Variants in PLEKHA5 observed in about 807,000 individuals in gnomAD.
PLEKHA5 encodes pleckstrin homology domain containing A5.
PLEKHA5 carries 55 observed loss-of-function variants against 181.9 expected under a neutral mutation model. The ratio of observed to expected loss-of-function variants is 0.30; its 90% CI spans 0.24 to 0.38. PLEKHA5 has a LOEUF of 0.38. PLEKHA5 is among the 10% of genes least tolerant of loss of function. The probability of loss-of-function intolerance (pLI) is 1.00; values close to 1 mark genes in which losing one functional copy is unlikely to be tolerated. For synonymous variants in PLEKHA5, 535 were observed against 529.4 expected (o/e 1.01, Z -0.15); for missense variants, 1,432 against 1,549.5 (o/e 0.92, Z 1.27).
At chr12:19,338,257 C>T (rs370917579) in intron 21 of PLEKHA5, among the ~76,000 whole-genome samples, 1 of 152,182 alleles carries the variant, frequency 6.6e-6, no homozygotes, top group African/African-American at 2.4e-5. Context: ...GGCTGGAGTG[C>T]AGTAGCATGA....
chr12:19,276,647 T>C (rs369707598), intron 11 of PLEKHA5, among the ~76,000 whole-genome samples: 2 of 152,296 alleles, frequency 1.3e-5, no homozygotes, highest in South Asian at 2.1e-4. Context: ...GCCAGGATCG[T>C]GCCACTGCAC....
chr12:19,308,527 A>C (rs2085001384), intron 15 of PLEKHA5, among the ~76,000 whole-genome samples: 1 of 152,162 alleles, frequency 6.6e-6, no homozygotes. Flanking sequence ...CTACAGCCAG[A>C]ATGGATTGTT....
chr12:19,283,525 A>AACAGAGCACCCTCCCTCG lies in PLEKHA5; in HGVS notation c.1563_1580dup (p.Gln521_Arg526dup). ...TGGCAGCAGCGTCAGTTTTATAACA[A>AACAGAGCACCCTCCCTCG]ACAGAGCACCCTCCCTCGACACAGT... On this transcript the variant is annotated inframe_insertion, in exon 12 of 32. Transcript: ENST00000429027. The AACAGAGCACCCTCCCTCG allele has an allele frequency of 6.2e-7, 1 of 1,614,206 alleles. No homozygotes were observed.
At chr12:19,357,254 CTTT>C (rs5796799) in intron 26 of PLEKHA5, among the ~76,000 whole-genome samples, 5 of 96,090 alleles carry the variant, frequency 5.2e-5, no homozygotes, top group Admixed American at 1.2e-4. Context: ...TCTTTATATT[CTTT>C]TTTTTTTTTT....
At chr12:19,206,768 T>A (rs367870261) in intron 3 of PLEKHA5, among the ~76,000 whole-genome samples, 32 of 152,230 alleles carry the variant, frequency 2.1e-4, no homozygotes, top group African/African-American at 7.7e-4. Flanking sequence ...AGGGTTAGCG[T>A]TTAGAGATGA....
chr12:19,266,043 TCAA>T (rs2070251044), intron 8 of PLEKHA5, among the ~76,000 whole-genome samples, 193 bp downstream of exon 8: 1 of 152,074 alleles, frequency 6.6e-6, no homozygotes, highest in Non-Finnish European at 1.5e-5. Context: ...TATTTAGGGG[TCAA>T]GTGTCTTCAT....
chr12:19,348,018 G>T (rs2094424427), intron 24 of PLEKHA5, among the ~76,000 whole-genome samples: 1 of 151,780 alleles, frequency 6.6e-6, no homozygotes, highest in Non-Finnish European at 1.5e-5. Flanking sequence ...GAATGGCTGG[G>T]ATTATAGGCG....
At chr12:19,235,440 C>T (rs1289209383) in intron 3 of PLEKHA5, among the ~76,000 whole-genome samples, 1 of 152,152 alleles carries the variant, frequency 6.6e-6, no homozygotes, top group African/African-American at 2.4e-5. Flanking sequence ...AGGGCATGAA[C>T]TGTAGAAGAA....
At chr12:19,302,702 G>T (rs758811230) in intron 15 of PLEKHA5, among the ~76,000 whole-genome samples, 2 of 151,900 alleles carry the variant, frequency 1.3e-5, no homozygotes, top group Non-Finnish European at 2.9e-5. Context: ...CAGCCTACTG[G>T]TGTAGAATTT....
intron 3 of PLEKHA5, among the ~76,000 whole-genome samples, chr12:19,225,056 C>T (rs1178017252): frequency 1.3e-5 from 2 of 152,068 alleles, no homozygotes; most frequent in Non-Finnish European, 2.9e-5. Context: ...TTAGCCACAA[C>T]GGGATGGCAG....
intron 3 of PLEKHA5, chr12:19,207,395 A>T (rs1401991457): frequency 6.6e-6 from 1 of 152,164 alleles, no homozygotes; most frequent in Non-Finnish European, 1.5e-5. Context: ...AAAATTACCA[A>T]TGGCAAGGGT....
At chr12:19,229,252 C>T (rs1168694307) in intron 3 of PLEKHA5, among the ~76,000 whole-genome samples, 3 of 152,002 alleles carry the variant, frequency 2.0e-5, no homozygotes, top group African/African-American at 7.2e-5. Context: ...ATGACTGTGT[C>T]TGTTATGCAA....
chr12:19,179,640 A>G (rs958346541), intron 3 of PLEKHA5, among the ~76,000 whole-genome samples: 14 of 152,336 alleles, frequency 9.2e-5, no homozygotes, highest in Non-Finnish European at 1.6e-4. Context: ...AGCCTGGGCA[A>G]CAGGAGATAA....
chr12:19,222,643 G>C (rs777663847), intron 3 of PLEKHA5, among the ~76,000 whole-genome samples: 3 of 152,142 alleles, frequency 2.0e-5, no homozygotes, highest in Non-Finnish European at 2.9e-5. Context: ...ATGTGTTTGA[G>C]TCAGACCCAC....
intron 3 of PLEKHA5, among the ~76,000 whole-genome samples, chr12:19,242,145 G>A (rs1592174332): frequency 6.6e-6 from 1 of 152,264 alleles, no homozygotes; most frequent in East Asian, 1.9e-4. Flanking sequence ...ATTTTAACTA[G>A]CATGGTGTTA....
chr12:19,324,882 G>A (rs1323125970), intron 20 of PLEKHA5, among the ~76,000 whole-genome samples: 1 of 152,182 alleles, frequency 6.6e-6, no homozygotes, highest in African/African-American at 2.4e-5. Flanking sequence ...CAGGGTCTCT[G>A]TGACAACTTG....
chr12:19,171,205 CTG>C (rs1377884710), intron 3 of PLEKHA5, among the ~76,000 whole-genome samples: 5 of 152,098 alleles, frequency 3.3e-5, no homozygotes, highest in Admixed American at 2.0e-4. Context: ...CCTGAAAAGA[CTG>C]TGATTGTTAA....
intron 15 of PLEKHA5, among the ~76,000 whole-genome samples, chr12:19,294,441 A>G (rs1039208711): frequency 2.6e-5 from 4 of 152,140 alleles, no homozygotes; most frequent in African/African-American, 9.7e-5. Flanking sequence ...TTGAGAGTAA[A>G]TTATAAAATC....
At chr12:19,307,219 T>A (rs2084239223) in intron 15 of PLEKHA5, 1 of 567,494 alleles carries the variant, frequency 1.8e-6, no homozygotes, top group Non-Finnish European at 3.2e-6. Flanking sequence ...AGGCCAGTAA[T>A]CCCAGAGCTT....
Sources: gnomAD v4.1 joint callset for allele counts (sites outside exome capture counted in the v4.1 genomes callset) on GRCh38, gnomAD v4.1.1 for gene constraint, MANE v1.5 for transcripts, NCBI Gene and HGNC (gene_info 2026-07-23, HGNC 2026-07-21) for gene names.